The following GRM8 variants were observed in gnomAD, a reference collection of about 807,000 sequenced individuals.
GRM8 encodes the protein glutamate metabotropic receptor 8, also known as metabotropic glutamate receptor 8.
A neutral mutation model predicts 87.2 loss-of-function variants in GRM8; 47 were observed. That is an observed-to-expected ratio of 0.54 (90% confidence interval 0.43 to 0.69). The LOEUF is 0.69. GRM8 is among the 30% of genes least tolerant of loss of function. The probability of loss-of-function intolerance (pLI) is 0.00; values close to 1 mark genes in which losing one functional copy is unlikely to be tolerated. For missense variants in GRM8, 1,019 were observed against 1,139.2 expected, an observed-to-expected ratio of 0.89 and a Z score of 1.52; for synonymous variants, 396 against 404.5, an observed-to-expected ratio of 0.98 and a Z score of 0.25.
At chr7:126,468,217 T>G (rs1401023325) in intron 9 of GRM8, among the ~76,000 whole-genome samples, 1 of 151,772 alleles carries the variant, frequency 6.6e-6, no homozygotes, top group South Asian at 2.1e-4. Flanking sequence ...GCAAAAAGAA[T>G]TGAAATGCTG....
At chr7:127,200,526 A>C (rs1795529272) in intron 2 of GRM8, among the ~76,000 whole-genome samples, 1 of 152,192 alleles carries the variant, frequency 6.6e-6, no homozygotes, top group Admixed American at 6.5e-5. Flanking sequence ...GGGTGGCCTA[A>C]AGCAACAGCA....
At chr7:126,762,459 A>G (rs1033218003) in intron 7 of GRM8, among the ~76,000 whole-genome samples, 1 of 152,158 alleles carries the variant, frequency 6.6e-6, no homozygotes, top group Non-Finnish European at 1.5e-5. Context: ...ATATAGTGTT[A>G]TGCCAACTTT....
intron 9 of GRM8, among the ~76,000 whole-genome samples, chr7:126,464,123 T>C (rs1804219070): frequency 1.3e-5 from 2 of 151,768 alleles, no homozygotes; most frequent in South Asian, 4.1e-4. Context: ...TTTTTTCTTA[T>C]CAACTTTAGC....
chr7:126,580,874 A>G (rs1265206436), intron 8 of GRM8, among the ~76,000 whole-genome samples: 1 of 152,156 alleles, frequency 6.6e-6, no homozygotes, highest in African/African-American at 2.4e-5. Context: ...CGTAGTTAAA[A>G]CAACTTATTA....
At chr7:127,251,866 G>C (rs1020266893) in intron 1 of GRM8, among the ~76,000 whole-genome samples, 3 of 152,080 alleles carry the variant, frequency 2.0e-5, no homozygotes, top group African/African-American at 7.2e-5. Context: ...GGCGTTTCTC[G>C]AAAGCCACAA....
At chr7:127,090,428 T>C (rs1437615749) in intron 3 of GRM8, among the ~76,000 whole-genome samples, 1 of 152,210 alleles carries the variant, frequency 6.6e-6, no homozygotes, top group Non-Finnish European at 1.5e-5. Context: ...CATCTCATGT[T>C]ACATACCTGG....
At chr7:126,443,223 T>C (rs1260526826) in intron 10 of GRM8, among the ~76,000 whole-genome samples, 1 of 151,476 alleles carries the variant, frequency 6.6e-6, no homozygotes, top group Non-Finnish European at 1.5e-5. Flanking sequence ...GTTGGCAAAA[T>C]TCATATATAT....
intron 9 of GRM8, among the ~76,000 whole-genome samples, chr7:126,467,027 TA>T (rs1804577199): frequency 6.6e-6 from 1 of 151,934 alleles, no homozygotes; most frequent in African/African-American, 2.4e-5. Flanking sequence ...TAAGTTTGGG[TA>T]TACATGTGCA....
intron 7 of GRM8, among the ~76,000 whole-genome samples, chr7:126,614,631 G>T (rs1237215236): frequency 6.6e-6 from 1 of 152,114 alleles, no homozygotes; most frequent in Non-Finnish European, 1.5e-5. Flanking sequence ...CTTGAAAAAA[G>T]ATTAGACAAA....
intron 3 of GRM8, among the ~76,000 whole-genome samples, chr7:126,986,167 C>T (rs1449020758): frequency 1.3e-5 from 2 of 152,028 alleles, no homozygotes; most frequent in Admixed American, 1.3e-4. Context: ...GCATGTGCCA[C>T]CACCCCTGAC....
chr7:126,481,311 G>A (rs1053710115), intron 9 of GRM8, among the ~76,000 whole-genome samples: 1 of 151,992 alleles, frequency 6.6e-6, no homozygotes, highest in Non-Finnish European at 1.5e-5. Flanking sequence ...TATGTTTTAA[G>A]AAGAAACACC....
At chr7:126,814,454 G>T (rs957779796) in intron 6 of GRM8, among the ~76,000 whole-genome samples, 4 of 151,984 alleles carry the variant, frequency 2.6e-5, no homozygotes, top group Non-Finnish European at 5.9e-5. Flanking sequence ...ACAACTGGAA[G>T]GCTACTCCAA....
intron 7 of GRM8, among the ~76,000 whole-genome samples, chr7:126,654,988 A>G (rs1804338330): frequency 6.6e-6 from 1 of 152,200 alleles, no homozygotes; most frequent in Non-Finnish European, 1.5e-5. Context: ...TGACTGGAGG[A>G]AATGTCTCTG....
At chr7:126,808,749 G>C (rs1245902036) in intron 6 of GRM8, among the ~76,000 whole-genome samples, 2 of 152,140 alleles carry the variant, frequency 1.3e-5, no homozygotes, top group African/African-American at 2.4e-5. Flanking sequence ...TTAAACTGTA[G>C]TATGAAATGC....
intron 6 of GRM8, among the ~76,000 whole-genome samples, chr7:126,797,612 A>G (rs1007461905): frequency 4.6e-5 from 7 of 152,142 alleles, no homozygotes; most frequent in African/African-American, 1.7e-4. Flanking sequence ...TTTGAAGTCT[A>G]CTGACAATTC....
chr7:126,902,672 A>G lies in GRM8; in HGVS notation c.1026T>C (p.Asp342=). Residue 342 remains aspartate, a synonymous_variant, in exon 6 of 11, where the codon GAT becomes GAC. Transcript: ENST00000339582. ...CAAGAGTTCGGCTTCTAAAGTATCG[A>G]TCAAATCCTATTTCAAAGGAGAAAG... ...LPKRASIDGF[D]RYFRSRTLAN... The G allele has an allele frequency of 6.3e-7, 1 of 1,584,532 alleles. No homozygotes were observed. The highest frequency in any genetic ancestry group is 8.6e-7 in the Non-Finnish European group (1 of 1,166,652).
At chr7:126,635,398 C>T (rs1263186346) in intron 7 of GRM8, among the ~76,000 whole-genome samples, 1 of 152,044 alleles carries the variant, frequency 6.6e-6, no homozygotes, top group Non-Finnish European at 1.5e-5. Flanking sequence ...TCAACTGAAT[C>T]CAACTAACTC....
chr7:126,613,560 G>A (rs1159353208), intron 7 of GRM8, among the ~76,000 whole-genome samples: 1 of 152,200 alleles, frequency 6.6e-6, no homozygotes, highest in Non-Finnish European at 1.5e-5. Flanking sequence ...CACCGAGTGT[G>A]AGCCAAAGCA....
intron 6 of GRM8, among the ~76,000 whole-genome samples, chr7:126,832,642 T>C (rs1475985479): frequency 6.6e-6 from 1 of 152,192 alleles, no homozygotes; most frequent in Non-Finnish European, 1.5e-5. Flanking sequence ...AAAACTACTG[T>C]TACAAAAAGG....
Sources: allele counts gnomAD v4.1 joint callset (sites outside exome capture counted in the v4.1 genomes callset), GRCh38; gene constraint gnomAD v4.1.1; transcripts MANE v1.5; gene names NCBI Gene and HGNC (gene_info 2026-07-23, HGNC 2026-07-21).